The following STARD13 variants were observed in gnomAD, a reference collection of about 807,000 sequenced individuals.
The protein encoded by STARD13 is stAR-related lipid transfer protein 13.
In STARD13, 62 loss-of-function variants were observed where a neutral mutation model predicts 106.4. That is an observed-to-expected ratio of 0.58 (90% CI 0.48 to 0.72). The LOEUF is 0.72. Among genes scored for constraint, STARD13 ranks in the 30% least tolerant of loss-of-function variants. The probability of loss-of-function intolerance (pLI) is 0.00; values close to 1 mark genes in which losing one functional copy is unlikely to be tolerated. For synonymous variants in STARD13, 565 were observed against 553.0 expected (o/e 1.02, Z -0.31); for missense variants, 1,387 against 1,424.0 (o/e 0.97, Z 0.42).
chr13:33,549,690 A>G, the STARD13 span, among the ~76,000 whole-genome samples: 1 of 152,216 alleles, frequency 6.6e-6, no homozygotes, highest in Non-Finnish European at 1.5e-5. Context: ...TTAGAGCCGC[A>G]TTATTGCTGG....
the STARD13 span, among the ~76,000 whole-genome samples, chr13:33,429,652 T>C: frequency 6.6e-6 from 1 of 152,096 alleles, no homozygotes; most frequent in African/African-American, 2.4e-5. Context: ...TTAAGTGAAA[T>C]AAGCCAGGTA....
At chr13:33,429,998 AG>A in the STARD13 span, among the ~76,000 whole-genome samples, 1 of 151,684 alleles carries the variant, frequency 6.6e-6, no homozygotes, top group African/African-American at 2.4e-5. Flanking sequence ...GCTCACTGCA[AG>A]CTCCGCCTCC....
intron 1 of STARD13, among the ~76,000 whole-genome samples, chr13:33,176,000 G>A (rs527521149): frequency 1.3e-5 from 2 of 152,242 alleles, no homozygotes; most frequent in African/African-American, 4.8e-5. Context: ...CACAGATTCT[G>A]TTAGGATAAA....
the STARD13 span, among the ~76,000 whole-genome samples, chr13:33,635,834 A>T: frequency 1.3e-5 from 2 of 150,572 alleles, no homozygotes; most frequent in Non-Finnish European, 3.0e-5. Flanking sequence ...AATACAAAAA[A>T]TTAGCCGGGT....
At chr13:33,131,330 A>G (rs1878258620) in intron 4 of STARD13, among the ~76,000 whole-genome samples, 1 of 151,994 alleles carries the variant, frequency 6.6e-6, no homozygotes, top group Non-Finnish European at 1.5e-5. Flanking sequence ...AGGCCTTGCC[A>G]CCTCTCTCTG....
chr13:33,402,407 T>C, the STARD13 span, among the ~76,000 whole-genome samples: 3 of 152,222 alleles, frequency 2.0e-5, no homozygotes, highest in African/African-American at 7.2e-5. Context: ...TGAAATAACC[T>C]TCAGAAACAG....
the STARD13 span, among the ~76,000 whole-genome samples, chr13:33,634,418 T>A: frequency 6.6e-6 from 1 of 152,294 alleles, no homozygotes; most frequent in Non-Finnish European, 1.5e-5. Context: ...TTCCCAGAAC[T>A]TTGGAACCGT....
chr13:33,183,626 G>A (rs1010364072), intron 1 of STARD13, among the ~76,000 whole-genome samples: 5 of 152,200 alleles, frequency 3.3e-5, no homozygotes, highest in Non-Finnish European at 7.3e-5. Flanking sequence ...ATCTCATGAA[G>A]CTTAGAGGTC....
the STARD13 span, among the ~76,000 whole-genome samples, chr13:33,606,510 C>T: frequency 6.6e-6 from 1 of 152,106 alleles, no homozygotes; most frequent in Admixed American, 6.6e-5. Context: ...TGCTATTAAT[C>T]TAACTTCTTG....
At chr13:33,642,489 T>C in the STARD13 span, among the ~76,000 whole-genome samples, 2 of 152,216 alleles carry the variant, frequency 1.3e-5, no homozygotes, top group African/African-American at 2.4e-5. Context: ...AGGCACTTCC[T>C]GTGCTTCAGG....
intron 1 of STARD13, among the ~76,000 whole-genome samples, chr13:33,349,615 C>T (rs1245104707): frequency 6.6e-6 from 1 of 152,222 alleles, no homozygotes; most frequent in African/African-American, 2.4e-5. Flanking sequence ...TGGCTCAAAA[C>T]AATCACTTCC....
the STARD13 span, among the ~76,000 whole-genome samples, chr13:33,625,634 G>A: frequency 3.3e-5 from 5 of 152,006 alleles, no homozygotes; most frequent in African/African-American, 9.7e-5. Flanking sequence ...ACAGAAAATC[G>A]ACAATAATGT....
chr13:33,359,568 G>A, the STARD13 span: 2 of 157,298 alleles, frequency 1.3e-5, no homozygotes, highest in Non-Finnish European at 2.8e-5. Flanking sequence ...GGGAGGCTGA[G>A]GTAGGAGAAT....
At chr13:33,492,371 A>C in the STARD13 span, among the ~76,000 whole-genome samples, 1 of 152,180 alleles carries the variant, frequency 6.6e-6, no homozygotes, top group Non-Finnish European at 1.5e-5. Flanking sequence ...TGTGAACCAG[A>C]GCAACTCCAT....
chr13:33,439,032 G>C, the STARD13 span, among the ~76,000 whole-genome samples: 1 of 152,200 alleles, frequency 6.6e-6, no homozygotes, highest in African/African-American at 2.4e-5. Flanking sequence ...AAAGGGCTTT[G>C]AAGGGGTTCC....
At chr13:33,525,729 G>A in the STARD13 span, among the ~76,000 whole-genome samples, 12 of 152,024 alleles carry the variant, frequency 7.9e-5, no homozygotes, top group Non-Finnish European at 1.3e-4. Context: ...TCAGATCTGC[G>A]GAAGCAGGAA....
chr13:33,621,315 T>C, the STARD13 span, among the ~76,000 whole-genome samples: 16 of 152,094 alleles, frequency 1.1e-4, no homozygotes, highest in Non-Finnish European at 2.4e-4. Context: ...AAGTTTCTTT[T>C]AATAAATTTG....
chr13:33,208,201 A>C lies in STARD13; in HGVS notation c.170-40579T>G, dbSNP rs533327509. Among the ~76,000 whole-genome samples, 62 of 152,286 alleles carry C rather than the reference A, an allele frequency of 4.1e-4. 1 individual carries two copies. Among genetic ancestry groups the C allele is most frequent in the African/African-American group, 1.5e-3 (61 of 41,548 alleles). On this transcript the variant is annotated intron_variant, in intron 1 of 13. Transcript: ENST00000336934. Reference sequence around the variant, plus strand: ...CAAGGGTACATGAAATGAAATTATCACCTAAAGCAGGATATGAGGACAGTG... The same window carrying C: ...CAAGGGTACATGAAATGAAATTATCCCCTAAAGCAGGATATGAGGACAGTG...
chr13:33,132,435 G>A (rs1373139946), intron 4 of STARD13, among the ~76,000 whole-genome samples: 10 of 152,150 alleles, frequency 6.6e-5, no homozygotes, highest in Admixed American at 5.2e-4. Flanking sequence ...CTTGTCTGCC[G>A]CCATGTAAGA....
Sources: gnomAD v4.1 joint callset for allele counts (sites outside exome capture counted in the v4.1 genomes callset) on GRCh38, gnomAD v4.1.1 for gene constraint, MANE v1.5 for transcripts, NCBI Gene and HGNC (gene_info 2026-07-23, HGNC 2026-07-21) for gene names.